The following N4BP2L2 variants were observed in gnomAD, a reference collection of about 807,000 sequenced individuals.
N4BP2L2 encodes the protein NEDD4 binding protein 2 like 2.
Under a neutral mutation model 56.2 loss-of-function variants are expected in N4BP2L2, and 50 were observed. That is an observed-to-expected ratio of 0.89 (90% CI 0.71 to 1.13). The LOEUF is 1.13. N4BP2L2 is among the 50% of genes most tolerant of loss of function. N4BP2L2 has a pLI of 0.00. For synonymous variants in N4BP2L2, 203 were observed against 223.6 expected, an observed-to-expected ratio of 0.91 and a Z score of 0.82; for missense variants, 689 against 693.8, an observed-to-expected ratio of 0.99 and a Z score of 0.08.
chr13:32,517,673 C>T, exon 6 of N4BP2L2: 2 of 1,419,046 alleles, frequency 1.4e-6, no homozygotes, highest in Non-Finnish European at 1.8e-6. Flanking sequence ...GGAATTTAAA[C>T]AACTTGCTGG....
chr13:32,530,716 G>A (rs1217001496), intron 2 of N4BP2L2, among the ~76,000 whole-genome samples: 1 of 151,978 alleles, frequency 6.6e-6, no homozygotes, highest in Non-Finnish European at 1.5e-5. Flanking sequence ...ATGGTAGTGG[G>A]AGAACTAAGA....
rs137955695 is a variant in N4BP2L2, at chr13:32,479,604, TTTG to T, written c.366-35481_366-35479del. Among the ~76,000 whole-genome samples, 663 of 150,904 alleles carry T rather than the reference TTTG, an allele frequency of 4.4e-3. 10 individuals carry two copies. The highest frequency in any genetic ancestry group is 7.4e-3 in the Non-Finnish European group (503 of 67,888). Reference sequence around the variant, plus strand: ...CCAGTAATTATTAAAACAATGAAATTTTGTTTTTTCTTCAGAAGCAAAAAAAAA... The same window carrying T: ...CCAGTAATTATTAAAACAATGAAATTTTTTTTCTTCAGAAGCAAAAAAAAA... On this transcript the variant is annotated intron_variant, in intron 6 of 9. Transcript: ENST00000357505.
chr13:32,471,506 G>A (rs1055834492), intron 6 of N4BP2L2, among the ~76,000 whole-genome samples: 32 of 152,234 alleles, frequency 2.1e-4, no homozygotes, highest in African/African-American at 7.0e-4. Flanking sequence ...TTGTGCGGGC[G>A]CACCCGAAGA....
chr13:32,443,223 C>T, exon 7 of N4BP2L2: 1 of 1,613,848 alleles, frequency 6.2e-7, no homozygotes, highest in Non-Finnish European at 8.5e-7. Flanking sequence ...GTTTGTCTGT[C>T]AATATTTCTG....
chr13:32,501,437 T>C (rs1040350927), intron 6 of N4BP2L2, among the ~76,000 whole-genome samples: 3 of 151,456 alleles, frequency 2.0e-5, no homozygotes, highest in African/African-American at 7.3e-5. Context: ...AAACCTTTTT[T>C]TTTTCTTTTA....
At chr13:32,487,468 TAA>T (rs372995200) in intron 6 of N4BP2L2, among the ~76,000 whole-genome samples, 66 of 116,328 alleles carry the variant, frequency 5.7e-4, no homozygotes, top group Non-Finnish European at 6.9e-4. Flanking sequence ...GACCCTGTCT[TAA>T]AAAAAAAAAA....
chr13:32,478,037 G>T (rs951952921), intron 6 of N4BP2L2: 1 of 1,289,204 alleles, frequency 7.8e-7, no homozygotes, highest in African/African-American at 1.5e-5. Context: ...ATCCCCATTA[G>T]TCTGCTGGTT....
At chr13:32,511,383 T>A (rs1401536066) in exon 6 of N4BP2L2, 1 of 152,210 alleles carries the variant, frequency 6.6e-6, no homozygotes, top group African/African-American at 2.4e-5. Flanking sequence ...GACATAATAG[T>A]GAATTATGTA....
chr13:32,458,122 T>G (rs1206301004), intron 6 of N4BP2L2, among the ~76,000 whole-genome samples: 1 of 152,256 alleles, frequency 6.6e-6, no homozygotes, highest in Non-Finnish European at 1.5e-5. Context: ...TAGAGTGCAG[T>G]GGCATGATCT....
chr13:32,518,896 T>C (rs1449415836), intron 5 of N4BP2L2, among the ~76,000 whole-genome samples: 1 of 152,194 alleles, frequency 6.6e-6, no homozygotes, highest in Admixed American at 6.5e-5. Context: ...AAATTTATTC[T>C]GGACCCTCAA....
chr13:32,433,530 G>A (rs1273823296), intron 9 of N4BP2L2, among the ~76,000 whole-genome samples: 2 of 152,254 alleles, frequency 1.3e-5, no homozygotes, highest in East Asian at 3.9e-4. Flanking sequence ...CTATTCAGGA[G>A]GCTGAGGTAG....
intron 6 of N4BP2L2, among the ~76,000 whole-genome samples, chr13:32,465,617 T>C (rs2081085941): frequency 6.6e-6 from 1 of 152,250 alleles, no homozygotes; most frequent in African/African-American, 2.4e-5. Flanking sequence ...TATGTAAAAC[T>C]ATAATGCATA....
In N4BP2L2 at chr13:32,436,458, A is replaced by G. The variant is rs572361678; in HGVS notation, c.2191-53T>C. 4 of 831,228 alleles carry G rather than the reference A, an allele frequency of 4.8e-6. No homozygotes were observed. In the South Asian group the frequency reaches 7.0e-5, roughly 15 times the overall value. The allele number at this position is 831,228 out of a possible 1,614,324, so 51.5% of individuals were successfully genotyped here. A position where few individuals can be genotyped will look rare whatever the true frequency, so the allele number is the denominator to read the frequency against. On this transcript the variant is annotated intron_variant, in intron 8 of 9. Coordinates refer to the N4BP2L2 transcript ENST00000357505. ...ATATTAATATTTGGCATTGGAGTTA[A>G]GTTTGCACTGTCATTTTACTCATGT...
chr13:32,455,743 G>A (rs980342619), intron 6 of N4BP2L2, among the ~76,000 whole-genome samples: 3 of 152,104 alleles, frequency 2.0e-5, no homozygotes, highest in Non-Finnish European at 2.9e-5. Flanking sequence ...CACTACCCTG[G>A]GGCCTGAGGA....
chr13:32,447,163 C>T (rs1186867345), intron 6 of N4BP2L2, among the ~76,000 whole-genome samples: 1 of 152,170 alleles, frequency 6.6e-6, no homozygotes, highest in Admixed American at 6.5e-5. Flanking sequence ...AGTTCTTGGG[C>T]CCTGACTCCT....
At chr13:32,536,591 A>G (rs201040288) in exon 2 of N4BP2L2, 1 of 1,613,916 alleles carries the variant, frequency 6.2e-7, no homozygotes, top group East Asian at 2.2e-5. Context: ...TATACCATTT[A>G]GAACATGTGC....
At chr13:32,446,159 A>T (rs2077020184) in intron 6 of N4BP2L2, among the ~76,000 whole-genome samples, 1 of 152,232 alleles carries the variant, frequency 6.6e-6, no homozygotes, top group Non-Finnish European at 1.5e-5. Context: ...GGCAATTTTC[A>T]ATAGGTAGGA....
intron 6 of N4BP2L2, among the ~76,000 whole-genome samples, chr13:32,458,423 T>C (rs1566055992): frequency 6.6e-6 from 1 of 152,124 alleles, no homozygotes; most frequent in Non-Finnish European, 1.5e-5. Flanking sequence ...ATTTCTCCTG[T>C]AGAAACACAT....
At chr13:32,519,818 A>G (rs971943316) in intron 5 of N4BP2L2, among the ~76,000 whole-genome samples, 1 of 152,236 alleles carries the variant, frequency 6.6e-6, no homozygotes, top group Admixed American at 6.5e-5. Context: ...ACCAGGTATC[A>G]GTTAAACTGG....
Sources: allele counts gnomAD v4.1 joint callset (sites outside exome capture counted in the v4.1 genomes callset), GRCh38; gene constraint gnomAD v4.1.1; transcripts MANE v1.5; gene names NCBI Gene and HGNC (gene_info 2026-07-23, HGNC 2026-07-21).